Variants in C4orf36 observed in about 807,000 individuals in gnomAD.
C4orf36 encodes chromosome 4 open reading frame 36, also known as uncharacterized protein C4orf36.
Under a neutral mutation model 12.2 loss-of-function variants are expected in C4orf36, and 11 were observed. That is an observed-to-expected ratio of 0.90 (90% CI 0.57 to 1.49). The LOEUF (loss-of-function observed/expected upper bound fraction) is 1.49. Among genes scored for constraint, C4orf36 ranks in the 40% most tolerant of loss-of-function variants. The pLI, the probability that C4orf36 is intolerant of heterozygous loss-of-function variation, is 0.00. For missense variants in C4orf36, 137 were observed against 133.9 expected (o/e 1.02, Z -0.11); for synonymous variants, 54 against 51.3 (o/e 1.05, Z -0.22).
the C4orf36 span, chr4:86,935,546 C>G: frequency 6.6e-6 from 1 of 152,352 alleles, no homozygotes; most frequent in African/African-American, 2.4e-5. Context: ...CAGACGTTTG[C>G]CTGTGCACCC....
the C4orf36 span, among the ~76,000 whole-genome samples, chr4:86,929,427 T>A: frequency 2.0e-5 from 3 of 152,242 alleles, no homozygotes; most frequent in Non-Finnish European, 4.4e-5. Flanking sequence ...CCTTGCTATA[T>A]GGCCTCTATA....
At chr4:86,880,975 G>A (rs1039150336) in intron 4 of C4orf36, among the ~76,000 whole-genome samples, 2 of 150,610 alleles carry the variant, frequency 1.3e-5, no homozygotes, top group African/African-American at 4.9e-5. Context: ...GGAGGTTGCA[G>A]TGAGCTGAGA....
chr4:86,927,177 TTGAA>T, the C4orf36 span, among the ~76,000 whole-genome samples: 1 of 152,290 alleles, frequency 6.6e-6, no homozygotes, highest in African/African-American at 2.4e-5. Flanking sequence ...CCCAGGCTTG[TTGAA>T]TGAATGAATA....
At chr4:86,876,471 A>T in intron 4 of C4orf36, 28 bp from the exon 5 acceptor site, 1 of 1,613,598 alleles carries the variant, frequency 6.2e-7, no homozygotes, top group Non-Finnish European at 8.5e-7. Flanking sequence ...GGAAAATAAG[A>T]TTTTATTTTA....
the C4orf36 span, among the ~76,000 whole-genome samples, chr4:86,903,766 C>T: frequency 4.5e-4 from 68 of 152,274 alleles, no homozygotes; most frequent in African/African-American, 1.6e-3. Flanking sequence ...CTGATTGGCC[C>T]ATTTTACAGA....
At chr4:86,893,262 A>C (rs917115178), upstream of C4orf36, among the ~76,000 whole-genome samples, 1 of 152,218 alleles carries the variant, frequency 6.6e-6, no homozygotes, top group Non-Finnish European at 1.5e-5. Flanking sequence ...TCCAAAGCCA[A>C]CTTTTAAAGA....
chr4:86,876,885 A>G (rs555823452), intron 4 of C4orf36, among the ~76,000 whole-genome samples: 1 of 152,322 alleles, frequency 6.6e-6, no homozygotes, highest in East Asian at 1.9e-4. Flanking sequence ...CTCTATTACT[A>G]TCTTATCTAA....
chr4:86,903,544 G>A, the C4orf36 span, among the ~76,000 whole-genome samples: 144 of 152,344 alleles, frequency 9.5e-4, no homozygotes, highest in African/African-American at 3.3e-3. Context: ...GAGTGAAGCT[G>A]CAGACCTTCA....
At chr4:86,896,332 C>T (rs1462022974), upstream of C4orf36, among the ~76,000 whole-genome samples, 1 of 152,164 alleles carries the variant, frequency 6.6e-6, no homozygotes, top group East Asian at 1.9e-4. Flanking sequence ...TCATGACATA[C>T]ATGTATATAT....
chr4:86,907,745 G>A, the C4orf36 span, among the ~76,000 whole-genome samples: 1 of 152,230 alleles, frequency 6.6e-6, no homozygotes, highest in African/African-American at 2.4e-5. Context: ...GGGAGGCCAA[G>A]GCGGGTGGAT....
the C4orf36 span, chr4:86,914,246 T>C: frequency 6.2e-7 from 1 of 1,602,814 alleles, no homozygotes; most frequent in Non-Finnish European, 8.5e-7. Context: ...AGACACCATC[T>C]TTCTGACTCC....
chr4:86,912,540 C>T, the C4orf36 span, among the ~76,000 whole-genome samples: 1 of 152,204 alleles, frequency 6.6e-6, no homozygotes, highest in Non-Finnish European at 1.5e-5. Flanking sequence ...TAATAGGTCT[C>T]CTGATAGTCA....
chr4:86,907,183 T>C, the C4orf36 span, among the ~76,000 whole-genome samples: 2 of 152,354 alleles, frequency 1.3e-5, no homozygotes, highest in Admixed American at 1.3e-4. Flanking sequence ...AGATGATCAC[T>C]TAGAGTCTTG....
At chr4:86,907,179 T>C in the C4orf36 span, among the ~76,000 whole-genome samples, 1 of 152,218 alleles carries the variant, frequency 6.6e-6, no homozygotes, top group Non-Finnish European at 1.5e-5. Context: ...TGTGAGATGA[T>C]CACTTAGAGT....
At chr4:86,881,879 T>C (rs1258061187) in intron 4 of C4orf36, among the ~76,000 whole-genome samples, 1 of 152,156 alleles carries the variant, frequency 6.6e-6, no homozygotes, top group Non-Finnish European at 1.5e-5. Context: ...GGTTTCACCA[T>C]GTTGGCCAGG....
intron 4 of C4orf36, among the ~76,000 whole-genome samples, chr4:86,881,402 T>C (rs1329434386): frequency 1.3e-5 from 2 of 152,184 alleles, no homozygotes; most frequent in African/African-American, 4.8e-5. Flanking sequence ...ATCATGGCTA[T>C]CTCCTGATTT....
the C4orf36 span, among the ~76,000 whole-genome samples, chr4:86,931,526 G>A: frequency 1.5e-4 from 23 of 152,070 alleles, no homozygotes; most frequent in Non-Finnish European, 2.9e-4. Context: ...AGCCCCTGAA[G>A]TAGCTGGGAC....
intron 4 of C4orf36, among the ~76,000 whole-genome samples, chr4:86,882,899 C>T (rs986580728): frequency 6.6e-6 from 1 of 152,216 alleles, no homozygotes; most frequent in Non-Finnish European, 1.5e-5. Flanking sequence ...TAAAACCCAG[C>T]CTGCCCTTTC....
At chr4:86,932,620 T>G in the C4orf36 span, among the ~76,000 whole-genome samples, 2 of 152,026 alleles carry the variant, frequency 1.3e-5, no homozygotes, top group African/African-American at 4.8e-5. Flanking sequence ...TCCTGTGAGC[T>G]TCTATGAGTC....
Sources: gnomAD v4.1 joint callset for allele counts (sites outside exome capture counted in the v4.1 genomes callset) on GRCh38, gnomAD v4.1.1 for gene constraint, MANE v1.5 for transcripts, NCBI Gene and HGNC (gene_info 2026-07-23, HGNC 2026-07-21) for gene names.